The following COCH variants were observed in gnomAD, a reference collection of about 807,000 sequenced individuals.
COCH encodes cochlin, also known as coagulation factor C homolog, cochlin (Limulus polyphemus).
In COCH, 40 loss-of-function variants were observed where a neutral mutation model predicts 54.8. The observed-to-expected ratio is 0.73, with a 90% CI of 0.57 to 0.95. The LOEUF (loss-of-function observed/expected upper bound fraction) is 0.95. COCH is among the 40% of genes least tolerant of loss of function. The pLI, the probability that COCH is intolerant of heterozygous loss-of-function variation, is 0.00. For missense variants in COCH, 605 were observed against 675.0 expected, an observed-to-expected ratio of 0.90 and a Z score of 1.15; for synonymous variants, 256 against 237.9, an observed-to-expected ratio of 1.08 and a Z score of -0.70.
chr14:30,878,375 C>T (rs941889564), intron 4 of COCH, among the ~76,000 whole-genome samples: 2 of 152,158 alleles, frequency 1.3e-5, no homozygotes, highest in African/African-American at 4.8e-5. Context: ...AAAAGGCTAG[C>T]AGCAGCTGGG....
chr14:30,887,414 A>AAC (rs1566414517), intron 11 of COCH, among the ~76,000 whole-genome samples: 7 of 148,414 alleles, frequency 4.7e-5, no homozygotes, highest in East Asian at 3.9e-4. Context: ...AAAAAAAAAA[A>AAC]AAAAAACTTT....
rs563163157 is a variant in COCH, at chr14:30,877,733, G to A, written c.239+5G>A. 541 of 1,614,170 alleles carry A rather than the reference G, an allele frequency of 3.4e-4. 7 individuals carry two copies. The South Asian group carries it at 5.7e-3, about 17-fold the overall frequency. On this transcript the variant is annotated splice_donor_5th_base_variant and intron_variant, in intron 4 of 11. Transcript: ENST00000396618. This position sits in a 1 kb window ranked among gnomAD's most constrained non-coding sequence, Gnocchi z 8.6. Reference sequence around the variant, plus strand: ...ATGTGGGGCTGCTGTCCACAGGTAAGCCCAAACACACCAGGGTGGGAGAGA... The same window carrying A: ...ATGTGGGGCTGCTGTCCACAGGTAAACCCAAACACACCAGGGTGGGAGAGA...
downstream of COCH, chr14:30,893,722 G>A (rs926402750): frequency 6.6e-6 from 1 of 152,426 alleles, no homozygotes; most frequent in Non-Finnish European, 1.5e-5. Context: ...AATAGTGTTA[G>A]TGATCTACTC....
At chr14:30,876,746 ATCTTTACC>A (rs1257705971) in intron 3 of COCH, among the ~76,000 whole-genome samples, 2 of 152,220 alleles carry the variant, frequency 1.3e-5, no homozygotes, top group Non-Finnish European at 2.9e-5. Context: ...CAGATTTACT[ATCTTTACC>A]TCAAGCAACT....
chr14:30,877,449 A>G lies in COCH; in HGVS notation c.83-123A>G, dbSNP rs1895402304. 1.6e-6 allele frequency: 2 copies of G among 1,258,976 alleles called. No individual in the cohort carries two copies. Among genetic ancestry groups the G allele is most frequent in the Non-Finnish European group, 2.2e-6 (2 of 896,386 alleles). The allele number at this position is 1,258,976 out of a possible 1,614,324, so 78.0% of individuals were successfully genotyped here. A position where few individuals can be genotyped will look rare whatever the true frequency, so the allele number is the denominator to read the frequency against. On this transcript the variant is annotated intron_variant, in intron 3 of 11. Coordinates refer to ENST00000396618, the MANE Select transcript of COCH (RefSeq NM_004086.3). This position sits in a 1 kb window ranked among gnomAD's most constrained non-coding sequence, Gnocchi z 8.6. ...ATGGTATGGAAGGGTATATAAGTCA[A>G]TAGTCATAACTAGAAGTGTAGAAAT...
rs530005611 is a variant in COCH at position 30,877,303 on chromosome 14, GCGAGTCC to G, written c.83-267_83-261del. ...ATTTGAGCCTAGCTTGGGCAACTTGGCGAGTCCCCATTTCAAAAACAAAAACGAAATA... is the reference window on the plus strand; with the variant it reads ...ATTTGAGCCTAGCTTGGGCAACTTGGCCATTTCAAAAACAAAAACGAAATA... On this transcript the variant is annotated intron_variant, in intron 3 of 11. Coordinates refer to ENST00000396618, the MANE Select transcript of COCH (RefSeq NM_004086.3). This position sits in a 1 kb window ranked among gnomAD's most constrained non-coding sequence, Gnocchi z 8.6. 1.0e-3 allele frequency: 415 copies of G among 408,518 alleles called. 4 individuals carry two copies. Among genetic ancestry groups the G allele is most frequent in the African/African-American group, 7.4e-3 (366 of 49,134 alleles). 25.3% of individuals were successfully genotyped at this position (408,518 alleles called of 1,614,324 possible). A position where few individuals can be genotyped will look rare whatever the true frequency, so the allele number is the denominator to read the frequency against.
chr14:30,875,536 A>G (rs1355382597), intron 3 of COCH: 4 of 497,660 alleles, frequency 8.0e-6, no homozygotes, highest in Non-Finnish European at 1.1e-5. Flanking sequence ...GCCGAGAGAG[A>G]GGGAGGCGAA....
rs1437989233 is a variant in COCH, at chr14:30,877,857, T to C, written c.239+129T>C. The C allele has an allele frequency of 6.7e-7, 1 of 1,488,606 alleles. No individual in the cohort carries two copies. The highest frequency in any genetic ancestry group is 9.1e-7 in the Non-Finnish European group (1 of 1,099,464). The allele number at this position is 1,488,606 out of a possible 1,614,324, so 92.2% of individuals were successfully genotyped here. A position where few individuals can be genotyped will look rare whatever the true frequency, so the allele number is the denominator to read the frequency against. On this transcript the variant is annotated intron_variant, in intron 4 of 11. Coordinates refer to ENST00000396618, the MANE Select transcript of COCH (RefSeq NM_004086.3). This position sits in a 1 kb window ranked among gnomAD's most constrained non-coding sequence, Gnocchi z 8.6. Reference sequence around the variant, plus strand: ...TGCCATTGTGGCCACAGAAAATGGATATATTTTCACGGTTCTCCTGGATAT... The same window carrying C: ...TGCCATTGTGGCCACAGAAAATGGACATATTTTCACGGTTCTCCTGGATAT...
rs144952367 is a variant in COCH at position 30,878,859 on chromosome 14, T to C, written c.288T>C (p.Pro96=). Reference sequence around the variant, plus strand: ...GACCTGTACGAGTCTATAGCCTACCTGGTCGAGAAAACTATTCCTCAGTAG... The same window carrying C: ...GACCTGTACGAGTCTATAGCCTACCCGGTCGAGAAAACTATTCCTCAGTAG... ...SGGPVRVYSL[P]GRENYSSVDA... is the part of the protein sequence containing the mutation. The change falls in exon 5 of 12, where the codon CCT becomes CCC. Residue 96 remains proline, a synonymous_variant. Coordinates refer to ENST00000396618, the MANE Select transcript of COCH (RefSeq NM_004086.3). 19 of 1,614,194 alleles carry C rather than the reference T, an allele frequency of 1.2e-5. No homozygotes were observed. In the African/African-American group the frequency reaches 1.2e-4, roughly 10 times the overall value.
At chr14:30,879,386 G>A in intron 5 of COCH, 37 bp from the exon 6 acceptor site, 2 of 1,603,942 alleles carry the variant, frequency 1.2e-6, no homozygotes, top group Non-Finnish European at 1.7e-6. Context: ...GGTAAAGAAG[G>A]AAAAGGAAAA....
chr14:30,892,875 T>TA (rs1184848966), downstream of COCH, among the ~76,000 whole-genome samples: 8 of 151,932 alleles, frequency 5.3e-5, no homozygotes, highest in Non-Finnish European at 1.2e-4. Flanking sequence ...AATTGCCACT[T>TA]AGATTTTTAT....
At chr14:30,886,410 C>A in intron 11 of COCH, 98 bp downstream of exon 11, 2 of 1,297,618 alleles carry the variant, frequency 1.5e-6, no homozygotes, top group Non-Finnish European at 2.2e-6. Context: ...ATTAAACAAA[C>A]ACCTGTGGCT....
At chr14:30,875,176 ATCCAGCCCCTTGGGC>A in intron 3 of COCH, 73 bp downstream of exon 3, 1 of 1,533,770 alleles carries the variant, frequency 6.5e-7, no homozygotes, top group Non-Finnish European at 8.8e-7. Context: ...CGGGACTCAG[ATCCAGCCCCTTGGGC>A]TTCAGCCCTA....
chr14:30,880,034 T>C (rs1466372840), intron 6 of COCH, among the ~76,000 whole-genome samples: 1 of 152,226 alleles, frequency 6.6e-6, no homozygotes, highest in African/African-American at 2.4e-5. Flanking sequence ...CAAAGTACCA[T>C]GAACTTCTAG....
At chr14:30,884,897 T>C (rs770732005) in intron 9 of COCH, 10 of 1,586,832 alleles carry the variant, frequency 6.3e-6, no homozygotes, top group South Asian at 3.4e-5. Context: ...TTCTCATACA[T>C]TGGATTGACT....
At chr14:30,883,487 T>C (rs943562636) in intron 8 of COCH, among the ~76,000 whole-genome samples, 6 of 152,216 alleles carry the variant, frequency 3.9e-5, no homozygotes, top group African/African-American at 1.4e-4. Context: ...AAAATGAGAC[T>C]AATTTCATAA....
At chr14:30,895,519 T>C (rs1490858677), downstream of COCH, 1 of 1,614,168 alleles carries the variant, frequency 6.2e-7, no homozygotes, top group East Asian at 2.2e-5. Context: ...TTCTGTGAGC[T>C]GTTATTTCTT....
chr14:30,880,319 C>A (rs1895524309), intron 6 of COCH, 133 bp from the exon 7 acceptor site: 1 of 1,351,000 alleles, frequency 7.4e-7, no homozygotes, highest in African/African-American at 1.5e-5. Flanking sequence ...TCCAGAAAAT[C>A]CTGAGGAAAT....
At chr14:30,895,613 T>C, downstream of COCH, 1 of 1,610,452 alleles carries the variant, frequency 6.2e-7, no homozygotes, top group South Asian at 1.1e-5. Flanking sequence ...TGTTACTGAG[T>C]AACAATCTTT....
Sources: allele counts gnomAD v4.1 joint callset (sites outside exome capture counted in the v4.1 genomes callset), GRCh38; gene constraint gnomAD v4.1.1; non-coding constraint Gnocchi (gnomAD v3.1); transcripts MANE v1.5; gene names NCBI Gene and HGNC (gene_info 2026-07-23, HGNC 2026-07-21).